PLEKHG1: variants seen among roughly 807,000 people sequenced by gnomAD.
The protein encoded by PLEKHG1 is pleckstrin homology domain-containing family G member 1.
A neutral mutation model predicts 100.8 loss-of-function variants in PLEKHG1; 44 were observed. That is an observed-to-expected ratio of 0.44 (90% CI 0.34 to 0.56). The LOEUF (loss-of-function observed/expected upper bound fraction) is 0.56, where lower values mean the gene tolerates loss of function less well. Ranked by LOEUF, PLEKHG1 falls within the 20% of genes least tolerant of loss-of-function variation. The probability of loss-of-function intolerance (pLI) is 0.01; values close to 1 mark genes in which losing one functional copy is unlikely to be tolerated. For synonymous variants in PLEKHG1, 640 were observed against 662.5 expected, an observed-to-expected ratio of 0.97 and a Z score of 0.52; for missense variants, 1,545 against 1,720.9, an observed-to-expected ratio of 0.90 and a Z score of 1.81.
intron 1 of PLEKHG1, among the ~76,000 whole-genome samples, chr6:150,625,359 A>G (rs1582833091): frequency 6.6e-6 from 1 of 151,984 alleles, no homozygotes; most frequent in African/African-American, 2.4e-5. Flanking sequence ...TTGCTTGCAG[A>G]TACTGTCTTC....
intron 1 of PLEKHG1, among the ~76,000 whole-genome samples, chr6:150,733,163 A>G (rs1395529681): frequency 1.4e-4 from 21 of 152,198 alleles, no homozygotes. Flanking sequence ...GTTAAGAACC[A>G]CTTGTGGTGC....
exon 2 of PLEKHG1, chr6:150,733,698 G>T: frequency 6.2e-7 from 1 of 1,614,204 alleles, no homozygotes; most frequent in Non-Finnish European, 8.5e-7. Flanking sequence ...CTCTCTGATA[G>T]TGACCGACCC....
upstream of PLEKHG1, among the ~76,000 whole-genome samples, chr6:150,717,048 T>C (rs911314936): frequency 2.0e-5 from 3 of 152,160 alleles, no homozygotes; most frequent in South Asian, 4.1e-4. Flanking sequence ...ATTTATGTTT[T>C]TAAGACAGAC....
At chr6:150,698,499 T>TACAC (rs3072714) in intron 3 of PLEKHG1, among the ~76,000 whole-genome samples, 55,442 of 151,782 alleles carry the variant, frequency 0.37, 10,824 homozygotes, top group East Asian at 0.46. Flanking sequence ...ATACTATATA[T>TACAC]ACACACACAC....
chr6:150,782,822 A>C (rs1187324270), intron 3 of PLEKHG1, among the ~76,000 whole-genome samples: 1 of 152,210 alleles, frequency 6.6e-6, no homozygotes, highest in East Asian at 1.9e-4. Flanking sequence ...AATAAACTCC[A>C]TCCCTGCGAA....
chr6:150,660,979 C>T (rs1050804947), intron 3 of PLEKHG1, among the ~76,000 whole-genome samples: 5 of 152,104 alleles, frequency 3.3e-5, no homozygotes, highest in African/African-American at 1.2e-4. Context: ...GCTGGGAGAT[C>T]CTTTGGATGG....
intron 6 of PLEKHG1, among the ~76,000 whole-genome samples, chr6:150,801,604 AT>A (rs549438172): frequency 2.0e-5 from 3 of 151,022 alleles, no homozygotes; most frequent in African/African-American, 7.3e-5. Context: ...TGCCTGGCTA[AT>A]TTTTTTGTAT....
intron 3 of PLEKHG1, among the ~76,000 whole-genome samples, chr6:150,709,549 A>G (rs917887546): frequency 5.3e-5 from 8 of 152,182 alleles, no homozygotes; most frequent in African/African-American, 1.9e-4. Flanking sequence ...AGATTTTTAG[A>G]TTTGGAAAGT....
chr6:150,643,400 T>A (rs1778354797), intron 2 of PLEKHG1, among the ~76,000 whole-genome samples: 1 of 152,208 alleles, frequency 6.6e-6, no homozygotes, highest in Non-Finnish European at 1.5e-5. Flanking sequence ...CAATCAGTCC[T>A]GCCTCATATT....
In PLEKHG1 at chr6:150,750,507, C is replaced by T. The variant is rs543482615; in HGVS notation, c.411+16415C>T. On this transcript the variant is annotated intron_variant, in intron 2 of 15. Transcript: ENST00000358517. ...AATAAAGCAAACAAACTTTTAAAGG[C>T]GGCACACTCACGCCTGTAATCCCAG... Among the ~76,000 whole-genome samples, 73 of 152,104 alleles carry T rather than the reference C, an allele frequency of 4.8e-4. 1 individual carries two copies. In the South Asian group the frequency reaches 0.012, roughly 25 times the overall value.
chr6:150,810,484 G>A (rs1298490765), intron 10 of PLEKHG1, among the ~76,000 whole-genome samples: 3 of 110,888 alleles, frequency 2.7e-5, no homozygotes, highest in Non-Finnish European at 5.9e-5. Flanking sequence ...AAGAAAGAAA[G>A]AAGGAAGGAA....
At chr6:150,747,420 T>C (rs968335433) in intron 2 of PLEKHG1, among the ~76,000 whole-genome samples, 1 of 152,256 alleles carries the variant, frequency 6.6e-6, no homozygotes, top group African/African-American at 2.4e-5. Flanking sequence ...AACTCATGAC[T>C]TTTTAACCTA....
At chr6:150,742,675 T>A (rs1782942444) in intron 2 of PLEKHG1, among the ~76,000 whole-genome samples, 1 of 150,144 alleles carries the variant, frequency 6.7e-6, no homozygotes, top group African/African-American at 2.4e-5. Flanking sequence ...CATGATCCAG[T>A]CACCTCCCAC....
At position 150,751,590 on chromosome 6, in the gene PLEKHG1, A is replaced by G. The variant is rs1783513191; in HGVS notation, c.412-17048A>G. On this transcript the variant is annotated intron_variant, in intron 2 of 15. Coordinates refer to ENST00000358517, the Ensembl canonical transcript of PLEKHG1. ...GAGGCCTGTGTCTTTCCCCAGGGAG[A>G]GGCCCCGAGCTCTCACTAAGAGCCT... 3.9e-5 allele frequency among the ~76,000 whole-genome samples: 6 copies of G among 152,306 alleles called. 1 individual carries two copies. In the South Asian group the frequency reaches 1.2e-3, roughly 32 times the overall value.
At chr6:150,670,310 T>C (rs970771715) in intron 3 of PLEKHG1, among the ~76,000 whole-genome samples, 5 of 152,224 alleles carry the variant, frequency 3.3e-5, no homozygotes, top group African/African-American at 1.2e-4. Flanking sequence ...ATTGACTTTA[T>C]AAGGAATATG....
At chr6:150,780,393 C>T (rs1350616882) in intron 3 of PLEKHG1, among the ~76,000 whole-genome samples, 3 of 152,084 alleles carry the variant, frequency 2.0e-5, no homozygotes, top group South Asian at 2.1e-4. Context: ...GGATTACAGG[C>T]GTGAGCCACT....
intron 3 of PLEKHG1, chr6:150,662,866 A>G (rs572166556): frequency 8.5e-5 from 13 of 152,346 alleles, no homozygotes; most frequent in African/African-American, 2.6e-4. Context: ...AGTGTCAACT[A>G]TGTATTTTTT....
chr6:150,732,856 G>T (rs1424048249), intron 1 of PLEKHG1, among the ~76,000 whole-genome samples: 1 of 152,194 alleles, frequency 6.6e-6, no homozygotes, highest in African/African-American at 2.4e-5. Flanking sequence ...CAAAGTGCTG[G>T]GATTTACAGG....
chr6:150,842,582 G>C (rs1433028490), exon 16 of PLEKHG1: 1 of 152,162 alleles, frequency 6.6e-6, no homozygotes, highest in Admixed American at 6.5e-5. Flanking sequence ...GCTTATAAAA[G>C]AAAGTCCACA....
Sources: gnomAD v4.1 joint callset for allele counts (sites outside exome capture counted in the v4.1 genomes callset) on GRCh38, gnomAD v4.1.1 for gene constraint, MANE v1.5 for transcripts, NCBI Gene and HGNC (gene_info 2026-07-23, HGNC 2026-07-21) for gene names.